PDZD2: variants seen among roughly 807,000 people sequenced by gnomAD.
PDZD2 encodes the protein PDZ domain-containing protein 2.
A neutral mutation model predicts 220.7 loss-of-function variants in PDZD2; 90 were observed. The observed-to-expected ratio is 0.41, with a 90% CI of 0.34 to 0.49. The LOEUF is 0.49. Among genes scored for constraint, PDZD2 ranks in the 20% least tolerant of loss-of-function variants. The pLI is 0.28. For synonymous variants in PDZD2, 1,375 were observed against 1,450.5 expected (o/e 0.95, Z 1.18); for missense variants, 3,174 against 3,608.5 (o/e 0.88, Z 3.08).
chr5:31,896,352 G>A (rs986059878), intron 2 of PDZD2, among the ~76,000 whole-genome samples: 1 of 150,494 alleles, frequency 6.6e-6, no homozygotes, highest in Non-Finnish European at 1.5e-5. Flanking sequence ...GTGTGTGTGT[G>A]TGTGTGTGTG....
intron 1 of PDZD2, among the ~76,000 whole-genome samples, chr5:31,661,182 G>A (rs1745748093): frequency 6.6e-6 from 1 of 152,174 alleles, no homozygotes; most frequent in Admixed American, 6.5e-5. Flanking sequence ...CCTGGCTTCG[G>A]AGGTTCTGAG....
At chr5:31,930,019 C>T (rs76169323) in intron 2 of PDZD2, among the ~76,000 whole-genome samples, 21,711 of 151,858 alleles carry the variant, frequency 0.14, 1,601 homozygotes, top group South Asian at 0.24. Flanking sequence ...CTCTAGCTCT[C>T]CTCGTGCCAT....
intron 1 of PDZD2, among the ~76,000 whole-genome samples, chr5:31,733,683 G>T (rs541155434): frequency 1.3e-5 from 2 of 152,180 alleles, no homozygotes; most frequent in Non-Finnish European, 2.9e-5. Context: ...AACTGGGAAC[G>T]AAGCCAGTAC....
chr5:31,684,528 G>T (rs1746773311), intron 1 of PDZD2, among the ~76,000 whole-genome samples: 1 of 151,034 alleles, frequency 6.6e-6, no homozygotes, highest in Admixed American at 6.6e-5. Flanking sequence ...ATTCTTGTTG[G>T]TATAGAACCC....
intron 2 of PDZD2, among the ~76,000 whole-genome samples, chr5:31,880,783 T>TTTTTTTTTC (rs1561536843): frequency 1.9e-4 from 20 of 105,792 alleles, no homozygotes; most frequent in African/African-American, 6.5e-4. Flanking sequence ...TAGCTTTCTT[T>TTTTTTTTTC]TTTTTTTCTT....
chr5:31,758,429 A>G (rs141409889), intron 1 of PDZD2, among the ~76,000 whole-genome samples: 36 of 152,316 alleles, frequency 2.4e-4, no homozygotes, highest in Non-Finnish European at 4.3e-4. Context: ...GGGCCTGGAA[A>G]TGGACCACAA....
intron 2 of PDZD2, among the ~76,000 whole-genome samples, chr5:31,883,840 G>T (rs982899934): frequency 6.6e-6 from 1 of 152,104 alleles, no homozygotes; most frequent in African/African-American, 2.4e-5. Flanking sequence ...GGCTTCAACC[G>T]ATCTGCCTAT....
intron 2 of PDZD2, among the ~76,000 whole-genome samples, chr5:31,809,648 A>G (rs1352407976): frequency 1.3e-5 from 2 of 152,204 alleles, no homozygotes; most frequent in Non-Finnish European, 2.9e-5. Flanking sequence ...ACAATTTCCA[A>G]CACTACAATG....
chr5:31,729,221 C>T (rs1171794064), intron 1 of PDZD2, among the ~76,000 whole-genome samples: 1 of 150,744 alleles, frequency 6.6e-6, no homozygotes, highest in Non-Finnish European at 1.5e-5. Context: ...CTTAGCCTCC[C>T]GAGTAGCTGG....
intron 7 of PDZD2, among the ~76,000 whole-genome samples, chr5:32,048,019 C>T (rs1738148139): frequency 6.6e-6 from 1 of 152,178 alleles, no homozygotes; most frequent in African/African-American, 2.4e-5. Flanking sequence ...TATTCTGCTT[C>T]TTGATCTAGG....
intron 2 of PDZD2, among the ~76,000 whole-genome samples, chr5:31,948,322 T>G (rs77672204): frequency 0.028 from 4,192 of 152,318 alleles, 99 homozygotes; most frequent in Middle Eastern, 0.044. Flanking sequence ...CCTCTGCTGC[T>G]GCCGTAGATG....
At chr5:32,086,673 T>C (rs1581457805) in intron 19 of PDZD2, among the ~76,000 whole-genome samples, 1 of 151,710 alleles carries the variant, frequency 6.6e-6, no homozygotes, top group East Asian at 1.9e-4. Context: ...TTTGTTGTTG[T>C]TGTTGTTGTT....
At chr5:31,885,986 G>C (rs1216786671) in intron 2 of PDZD2, among the ~76,000 whole-genome samples, 1 of 151,678 alleles carries the variant, frequency 6.6e-6, no homozygotes, top group Admixed American at 6.6e-5. Context: ...TGCAGCCTCT[G>C]CCTCCCGGGT....
intron 2 of PDZD2, among the ~76,000 whole-genome samples, chr5:31,924,000 G>A (rs1001924665): frequency 1.3e-5 from 2 of 152,190 alleles, no homozygotes; most frequent in African/African-American, 4.8e-5. Context: ...AGTCATTAGG[G>A]AGGAAACAGC....
chr5:31,943,283 G>A (rs975966843), intron 2 of PDZD2, among the ~76,000 whole-genome samples: 18 of 151,926 alleles, frequency 1.2e-4, no homozygotes, highest in African/African-American at 3.1e-4. Flanking sequence ...CAGTTGACAC[G>A]GCTGTGGGAA....
chr5:32,089,928 A>G lies in PDZD2; in HGVS notation c.6480A>G (p.Arg2160=). ...HASQAEQEMS[R]SFSMAKLASS... ...CCCAGGCAGAGCAGGAAATGTCACG[A>G]TCATTCAGCATGGCAAAACTGGCGT... The change falls in exon 20 of 25, where the codon CGA becomes CGG. Residue 2160 remains arginine (R), a synonymous_variant. Coordinates refer to ENST00000438447, the MANE Select transcript of PDZD2 (RefSeq NM_178140.4). 4 of 1,611,112 alleles carry G rather than the reference A, an allele frequency of 2.5e-6. No homozygotes were observed. The East Asian group carries it at 8.9e-5, about 36-fold the overall frequency.
Position 31,989,053 on chromosome 5 carries a change from T to A in PDZD2, c.978+5397T>A, listed in dbSNP as rs186376587. 2.3e-3 allele frequency among the ~76,000 whole-genome samples: 352 copies of A among 152,312 alleles called. 3 individuals carry two copies. The highest frequency in any genetic ancestry group is 0.016 in the Admixed American group (249 of 15,296). ...TTTAAGAGCAAAGCCTTTGATTTTTTAAAAATGTTTTATATATTTGGGGGA... is the reference window on the plus strand; with the variant it reads ...TTTAAGAGCAAAGCCTTTGATTTTTAAAAAATGTTTTATATATTTGGGGGA... On this transcript the variant is annotated intron_variant, in intron 3 of 24. Transcript: ENST00000438447.
At chr5:31,858,811 C>T (rs760492053) in intron 2 of PDZD2, among the ~76,000 whole-genome samples, 5 of 151,994 alleles carry the variant, frequency 3.3e-5, no homozygotes, top group South Asian at 2.1e-4. Flanking sequence ...CTCTGCCTCC[C>T]GGGTTCAAGT....
intron 1 of PDZD2, among the ~76,000 whole-genome samples, chr5:31,731,986 T>A (rs1046073372): frequency 6.6e-6 from 1 of 152,232 alleles, no homozygotes. Flanking sequence ...TTTGCTAGGA[T>A]CATGAAATCT....
Sources: gnomAD v4.1 joint callset for allele counts (sites outside exome capture counted in the v4.1 genomes callset) on GRCh38, gnomAD v4.1.1 for gene constraint, MANE v1.5 for transcripts, NCBI Gene and HGNC (gene_info 2026-07-23, HGNC 2026-07-21) for gene names.